The following RELCH variants were observed in gnomAD, a reference collection of about 807,000 sequenced individuals.
RELCH encodes RAB11 binding and LisH domain, coiled-coil and HEAT repeat containing.
In RELCH, 41 loss-of-function variants were observed where a neutral mutation model predicts 150.3. That is an observed-to-expected ratio of 0.27 (90% confidence interval 0.21 to 0.35). The LOEUF (loss-of-function observed/expected upper bound fraction) is 0.35. Among genes scored for constraint, RELCH ranks in the 10% least tolerant of loss-of-function variants. The pLI, the probability that RELCH is intolerant of heterozygous loss-of-function variation, is 1.00. For synonymous variants in RELCH, 478 were observed against 531.8 expected (o/e 0.90, Z 1.39); for missense variants, 1,092 against 1,467.8 (o/e 0.74, Z 4.18).
chr18:62,211,513 A>G (rs765173734), intron 2 of RELCH, among the ~76,000 whole-genome samples: 2 of 152,238 alleles, frequency 1.3e-5, no homozygotes, highest in Non-Finnish European at 2.9e-5. Flanking sequence ...TTGTAAAACT[A>G]ATGTATGACA....
In RELCH at chr18:62,187,574, T is replaced by C. The variant is rs181701851; in HGVS notation, c.69T>C (p.Asp23=). Reference sequence around the variant, plus strand: ...TGAATCCATTTCTCAGTGATTCGGATGAGGACGATGACGAGGTAGCTGCAA... The same window carrying C: ...TGAATCCATTTCTCAGTGATTCGGACGAGGACGATGACGAGGTAGCTGCAA... ...GGVNPFLSDS[D]EDDDEVAATE... Residue 23 remains aspartate (D), a synonymous_variant, in exon 1 of 29, where the codon GAT becomes GAC. Coordinates refer to ENST00000644646, the MANE Select transcript of RELCH (RefSeq NM_001346231.2). 3.3e-6 allele frequency: 5 copies of C among 1,523,278 alleles called. No individual in the cohort carries two copies. Among genetic ancestry groups the C allele is most frequent in the Non-Finnish European group, 4.4e-6 (5 of 1,136,358 alleles). The allele number at this position is 1,523,278 out of a possible 1,614,324, so 94.4% of individuals were successfully genotyped here.
intron 24 of RELCH, among the ~76,000 whole-genome samples, chr18:62,281,631 G>GA (rs1266285599): frequency 2.6e-5 from 4 of 152,118 alleles, no homozygotes; most frequent in African/African-American, 7.2e-5. Flanking sequence ...TTATACAAAT[G>GA]AAAAAACCCT....
intron 12 of RELCH, chr18:62,254,587 C>A (rs1260064187): frequency 1.3e-5 from 2 of 152,132 alleles, no homozygotes; most frequent in Non-Finnish European, 2.9e-5. Context: ...CTACTGCCAC[C>A]TCTTCTGTAA....
chr18:62,229,291 G>A (rs1313021020), intron 8 of RELCH, among the ~76,000 whole-genome samples: 1 of 151,978 alleles, frequency 6.6e-6, no homozygotes, highest in South Asian at 2.1e-4. Context: ...ATCCTATGGT[G>A]CATTTTCAGC....
intron 15 of RELCH, among the ~76,000 whole-genome samples, chr18:62,260,707 T>C (rs2043222963): frequency 6.6e-6 from 1 of 151,938 alleles, no homozygotes; most frequent in African/African-American, 2.4e-5. Flanking sequence ...GAAAATATGG[T>C]ATATATAAAC....
intron 10 of RELCH, among the ~76,000 whole-genome samples, chr18:62,233,135 ATATAGT>A (rs1403754569): frequency 6.6e-6 from 1 of 151,706 alleles, no homozygotes; most frequent in Non-Finnish European, 1.5e-5. Context: ...TTATTATTAA[ATATAGT>A]TATATTTAGT....
intron 1 of RELCH, among the ~76,000 whole-genome samples, chr18:62,204,490 C>T (rs1314381545): frequency 6.6e-6 from 1 of 152,018 alleles, no homozygotes; most frequent in Non-Finnish European, 1.5e-5. Flanking sequence ...TGCCACCATG[C>T]CCAACTAATT....
intron 28 of RELCH, among the ~76,000 whole-genome samples, chr18:62,299,731 AAC>A (rs2145139836): frequency 6.6e-6 from 1 of 152,312 alleles, no homozygotes; most frequent in South Asian, 2.1e-4. Context: ...TTTTCTAACA[AAC>A]ACAAAAATAA....
At chr18:62,268,838 A>G in intron 19 of RELCH, 31 bp from the exon 20 acceptor site, 1 of 1,146,552 alleles carries the variant, frequency 8.7e-7, no homozygotes, top group Non-Finnish European at 1.2e-6. Context: ...AAATATACTT[A>G]TGTTTTTTTA....
rs933189585 is a variant in RELCH, at chr18:62,309,786, T to A, written c.*4252T>A. Reference sequence around the variant, plus strand: ...ATCCACCATATTTATTTCAGTTAGATCATTGCATGAATAGATTTCTGGAGG... The same window carrying A: ...ATCCACCATATTTATTTCAGTTAGAACATTGCATGAATAGATTTCTGGAGG... On this transcript the variant is annotated 3_prime_UTR_variant, in exon 29 of 29. Coordinates refer to ENST00000644646, the MANE Select transcript of RELCH (RefSeq NM_001346231.2). 3 of 152,216 alleles carry A rather than the reference T, an allele frequency of 2.0e-5. No individual in the cohort carries two copies. The highest frequency in any genetic ancestry group is 6.5e-5 in the Admixed American group (1 of 15,286). 9.4% of individuals were successfully genotyped at this position (152,216 alleles called of 1,614,324 possible).
At position 62,258,053 on chromosome 18, in the gene RELCH, A is replaced by G. The variant is rs146220305; in HGVS notation, c.2002A>G (p.Met668Val). The G allele has an allele frequency of 1.3e-3, 2,078 of 1,606,358 alleles. 1 individual carries two copies. Among genetic ancestry groups the G allele is most frequent in the Non-Finnish European group, 1.6e-3 (1,923 of 1,176,090 alleles). ...EAVIKSLGII[M>V]GYIDDPDKYH... ...TGTTATCAAAAGCCTTGGTATCATT[A>G]TGGGATACATTGATGATCCAGACAA... The change falls in exon 14 of 29, where the codon ATG becomes GTG. Residue 668 changes from methionine (M) to valine (V), a missense_variant. By Grantham distance (21) the Met-to-Val change is conservative (BLOSUM62 1). Transcript: ENST00000644646.
intron 1 of RELCH, among the ~76,000 whole-genome samples, chr18:62,193,095 A>T (rs1424640088): frequency 6.6e-6 from 1 of 152,150 alleles, no homozygotes; most frequent in Non-Finnish European, 1.5e-5. Flanking sequence ...TTCCTTTGTT[A>T]GCTGCGTTCC....
intron 27 of RELCH, among the ~76,000 whole-genome samples, chr18:62,297,563 G>A (rs1348336584): frequency 6.6e-6 from 1 of 152,174 alleles, no homozygotes; most frequent in African/African-American, 2.4e-5. Context: ...AGACAAGAGA[G>A]TGGGGAAGCA....
chr18:62,284,375 A>T (rs1248404993), intron 25 of RELCH: 9 of 152,256 alleles, frequency 5.9e-5, no homozygotes, highest in Admixed American at 5.2e-4. Flanking sequence ...AGAAATTCCC[A>T]CTGCTTGAAT....
rs111686196 is a variant in RELCH, at chr18:62,244,717, C to T, written c.1621-47C>T. ...ATATTGTGGAGGAAAAAAGAATATT[C>T]TGCAATGTGTTTTTATTTGAATTTT... On this transcript the variant is annotated intron_variant, in intron 10 of 28. Coordinates refer to ENST00000644646, the MANE Select transcript of RELCH (RefSeq NM_001346231.2). 1.6e-3 allele frequency: 1,916 copies of T among 1,193,974 alleles called. 21 individuals carry two copies. In the African/African-American group the frequency reaches 0.025, roughly 16 times the overall value. 74.0% of individuals were successfully genotyped at this position (1,193,974 alleles called of 1,614,324 possible). A position where few individuals can be genotyped will look rare whatever the true frequency, so the allele number is the denominator to read the frequency against.
intron 10 of RELCH, among the ~76,000 whole-genome samples, 156 bp downstream of exon 10, chr18:62,232,583 G>A (rs1481050441): frequency 1.3e-5 from 2 of 151,980 alleles, no homozygotes; most frequent in East Asian, 3.9e-4. Flanking sequence ...CTAGAGAATG[G>A]TTTTACACCT....
chr18:62,299,282 CTA>C (rs1464836595), intron 28 of RELCH, among the ~76,000 whole-genome samples: 1 of 152,166 alleles, frequency 6.6e-6, no homozygotes, highest in Non-Finnish European at 1.5e-5. Flanking sequence ...TCTAATCAAA[CTA>C]ATTGGAATCC....
At chr18:62,264,908 G>T in intron 18 of RELCH, 56 bp downstream of exon 18, 1 of 1,364,202 alleles carries the variant, frequency 7.3e-7, no homozygotes. Flanking sequence ...AATGTAATGT[G>T]TTAACACTGT....
At chr18:62,189,117 TC>T (rs1411706230) in intron 1 of RELCH, among the ~76,000 whole-genome samples, 1 of 152,192 alleles carries the variant, frequency 6.6e-6, no homozygotes, top group African/African-American at 2.4e-5. Context: ...TATGGGATTT[TC>T]TCAGTAGTTA....
Sources: allele counts gnomAD v4.1 joint callset (sites outside exome capture counted in the v4.1 genomes callset), GRCh38; gene constraint gnomAD v4.1.1; transcripts MANE v1.5; gene names NCBI Gene and HGNC (gene_info 2026-07-23, HGNC 2026-07-21).